The following SLC39A10 variants were observed in gnomAD, a reference collection of about 807,000 sequenced individuals.
SLC39A10 encodes the protein zinc transporter ZIP10.
Under a neutral mutation model 65.1 loss-of-function variants are expected in SLC39A10, and 13 were observed. The ratio of observed to expected loss-of-function variants is 0.20; its 90% CI spans 0.13 to 0.32. SLC39A10 has a LOEUF of 0.32. Ranked by LOEUF, SLC39A10 falls within the 10% of genes least tolerant of loss-of-function variation. The pLI is 1.00. For synonymous variants in SLC39A10, 321 were observed against 342.2 expected, an observed-to-expected ratio of 0.94 and a Z score of 0.68; for missense variants, 831 against 1,018.4, an observed-to-expected ratio of 0.82 and a Z score of 2.50.
At chr2:195,652,621 C>T (rs1689061953), upstream of SLC39A10, among the ~76,000 whole-genome samples, 1 of 150,634 alleles carries the variant, frequency 6.6e-6, no homozygotes, top group African/African-American at 2.4e-5. Flanking sequence ...TCTTATTATG[C>T]CGATGAAGCC....
intron 1 of SLC39A10, among the ~76,000 whole-genome samples, chr2:195,676,648 C>T (rs1690100929): frequency 1.3e-5 from 2 of 152,328 alleles, no homozygotes; most frequent in Admixed American, 6.5e-5. Flanking sequence ...TTCCACTCCA[C>T]TGGCCTATCT....
At chr2:195,725,856 G>A (rs185964147) in intron 8 of SLC39A10, among the ~76,000 whole-genome samples, 151 of 152,254 alleles carry the variant, frequency 9.9e-4, no homozygotes, top group African/African-American at 3.6e-3. Flanking sequence ...AAACTTGAAA[G>A]ACTACATACT....
chr2:195,722,070 T>C (rs1210739931), intron 8 of SLC39A10, among the ~76,000 whole-genome samples: 1 of 152,206 alleles, frequency 6.6e-6, no homozygotes, highest in Non-Finnish European at 1.5e-5. Flanking sequence ...TGATACCCAA[T>C]GCAGAGCTCT....
At chr2:195,674,365 C>T (rs550043600) in intron 1 of SLC39A10, among the ~76,000 whole-genome samples, 24 of 152,190 alleles carry the variant, frequency 1.6e-4, no homozygotes, top group Non-Finnish European at 2.6e-4. Flanking sequence ...GCAACCTCCG[C>T]CTCCTGAGTC....
intron 1 of SLC39A10, among the ~76,000 whole-genome samples, chr2:195,661,995 T>C (rs1239711871): frequency 1.3e-5 from 2 of 152,216 alleles, no homozygotes; most frequent in Non-Finnish European, 2.9e-5. Flanking sequence ...TACTCGACTT[T>C]GGGGGACAGC....
intron 8 of SLC39A10, among the ~76,000 whole-genome samples, chr2:195,725,372 A>C (rs181625013): frequency 1.3e-5 from 2 of 152,296 alleles, no homozygotes; most frequent in Non-Finnish European, 2.9e-5. Context: ...CATATCTGAC[A>C]AAAGACTTCA....
At chr2:195,643,795 T>A (rs1688856720) in intron 2 of SLC39A10, among the ~76,000 whole-genome samples, 1 of 152,238 alleles carries the variant, frequency 6.6e-6, no homozygotes, top group African/African-American at 2.4e-5. Context: ...ACAAATAAGT[T>A]GATGTATCTC....
intron 8 of SLC39A10, among the ~76,000 whole-genome samples, chr2:195,727,009 C>T (rs1692264624): frequency 6.6e-6 from 1 of 152,108 alleles, no homozygotes; most frequent in Non-Finnish European, 1.5e-5. Context: ...TGCTTTCGAC[C>T]CATTAGCTTC....
intron 3 of SLC39A10, among the ~76,000 whole-genome samples, chr2:195,693,067 C>T (rs1044326078): frequency 6.6e-6 from 1 of 152,186 alleles, no homozygotes; most frequent in Non-Finnish European, 1.5e-5. Context: ...GCTTTTTCTG[C>T]ATCTATCAAG....
intron 1 of SLC39A10, among the ~76,000 whole-genome samples, chr2:195,661,802 TA>T (rs1447734882): frequency 6.6e-6 from 1 of 152,166 alleles, no homozygotes; most frequent in Non-Finnish European, 1.5e-5. Context: ...TGTACAAGTA[TA>T]AGGACAAAAT....
At chr2:195,696,334 A>C (rs893447532) in intron 3 of SLC39A10, among the ~76,000 whole-genome samples, 1 of 136,980 alleles carries the variant, frequency 7.3e-6, no homozygotes, top group Non-Finnish European at 1.6e-5. Context: ...AAAAAAAAAA[A>C]ACCTATCATT....
In SLC39A10 at chr2:195,701,249, C is replaced by T. The variant is rs117211897; in HGVS notation, c.1217-5367C>T. 2.4e-4 allele frequency among the ~76,000 whole-genome samples: 37 copies of T among 151,656 alleles called. 1 individual carries two copies. The South Asian group carries it at 2.5e-3, about 10-fold the overall frequency. On this transcript the variant is annotated intron_variant, in intron 3 of 9. Transcript: ENST00000359634. The stretch of plus-strand genomic sequence containing the variant: ...ATTTTTCATTTCAGTTATTGTACTT[C>T]GCAGTTCCAGAGTTTCTTTTTGATT...
At chr2:195,729,354 CT>C (rs1433916892) in intron 9 of SLC39A10, among the ~76,000 whole-genome samples, 1 of 152,138 alleles carries the variant, frequency 6.6e-6, no homozygotes, top group Non-Finnish European at 1.5e-5. Context: ...ACAATTGTTT[CT>C]TTTTGTTTAC....
intron 2 of SLC39A10, among the ~76,000 whole-genome samples, chr2:195,649,654 T>C (rs767278853): frequency 1.3e-5 from 2 of 152,270 alleles, no homozygotes; most frequent in African/African-American, 2.4e-5. Context: ...TTCCTTAAAT[T>C]GAAGTGTAAT....
chr2:195,688,208 T>C (rs1559034782), intron 3 of SLC39A10, among the ~76,000 whole-genome samples: 1 of 152,148 alleles, frequency 6.6e-6, no homozygotes, highest in Non-Finnish European at 1.5e-5. Flanking sequence ...TTATATAAGG[T>C]TTTTAAAAGA....
At chr2:195,668,422 A>G (rs1689719200) in intron 1 of SLC39A10, among the ~76,000 whole-genome samples, 1 of 152,238 alleles carries the variant, frequency 6.6e-6, no homozygotes, top group South Asian at 2.1e-4. Context: ...TGAGGGTTTT[A>G]GTGATTAATC....
Position 195,683,888 on chromosome 2 carries a change from G to A in SLC39A10, c.1198G>A (p.Ala400Thr). The A allele has an allele frequency of 6.2e-7, 1 of 1,611,888 alleles. No individual in the cohort carries two copies. The highest frequency in any genetic ancestry group is 8.5e-7 in the Non-Finnish European group (1 of 1,178,982). ...KDKNLVPEDE[A>T]NIGASAWICG... is the part of the protein sequence containing the mutation. Reference sequence around the variant, plus strand: ...TAAAAACCTGGTTCCTGAAGATGAGGCAAATATAGGGGCATCAGGTAAGAG... The same window carrying A: ...TAAAAACCTGGTTCCTGAAGATGAGACAAATATAGGGGCATCAGGTAAGAG... The change falls in exon 3 of 10, where the codon GCA becomes ACA. Residue 400 changes from alanine to threonine, a missense_variant. Coordinates refer to ENST00000359634, the MANE Select transcript of SLC39A10 (RefSeq NM_020342.3).
chr2:195,694,064 C>A (rs979513505), intron 3 of SLC39A10, among the ~76,000 whole-genome samples: 3 of 152,140 alleles, frequency 2.0e-5, no homozygotes, highest in Non-Finnish European at 4.4e-5. Context: ...GACACAATGA[C>A]CATTCAGGAG....
chr2:195,617,714 C>A (rs112055037), intron 2 of SLC39A10, among the ~76,000 whole-genome samples: 104,641 of 146,272 alleles, frequency 0.72, 37,658 homozygotes, highest in Non-Finnish European at 0.75. Flanking sequence ...CTTTTCTTTT[C>A]TTTTCTTTTC....
Sources: allele counts gnomAD v4.1 joint callset (sites outside exome capture counted in the v4.1 genomes callset), GRCh38; gene constraint gnomAD v4.1.1; transcripts MANE v1.5; gene names NCBI Gene and HGNC (gene_info 2026-07-23, HGNC 2026-07-21).